Variants in TRPM6 observed in about 807,000 individuals in gnomAD.
The protein encoded by TRPM6 is transient receptor potential cation channel subfamily M member 6.
A neutral mutation model predicts 247.6 loss-of-function variants in TRPM6; 111 were observed. The observed-to-expected ratio is 0.45, with a 90% CI of 0.38 to 0.52. The LOEUF (loss-of-function observed/expected upper bound fraction) is 0.52. Ranked by LOEUF, TRPM6 falls within the 20% of genes least tolerant of loss-of-function variation. The pLI is 0.00. For missense variants in TRPM6, 2,126 were observed against 2,421.5 expected (o/e 0.88, Z 2.56); for synonymous variants, 892 against 853.8 (o/e 1.04, Z -0.78).
In TRPM6 at chr9:74,803,922, G is replaced by A. The variant is rs1225547902; in HGVS notation, c.1639-36C>T. 3 of 1,239,460 alleles carry A rather than the reference G, an allele frequency of 2.4e-6. No homozygotes were observed. The African/African-American group carries it at 4.5e-5, about 18-fold the overall frequency. The allele number at this position is 1,239,460 out of a possible 1,614,324, so 76.8% of individuals were successfully genotyped here. A position where few individuals can be genotyped will look rare whatever the true frequency, so the allele number is the denominator to read the frequency against. On this transcript the variant is annotated intron_variant, in intron 14 of 38. Transcript: ENST00000360774. ...TTTTGAACAAAGCTGGTCACTCTCT[G>A]GCACGTTATTATTTTATTTTTAAAA...
rs911706392 is a variant in TRPM6, at chr9:74,785,779, T to A, written c.2919+95A>T. The A allele has an allele frequency of 7.8e-5, 113 of 1,445,190 alleles. 1 individual carries two copies. Among genetic ancestry groups the A allele is most frequent in the Non-Finnish European group, 9.8e-5 (101 of 1,031,614 alleles). The allele number at this position is 1,445,190 out of a possible 1,614,324, so 89.5% of individuals were successfully genotyped here. A position where few individuals can be genotyped will look rare whatever the true frequency, so the allele number is the denominator to read the frequency against. On this transcript the variant is annotated intron_variant, in intron 21 of 38. Coordinates refer to ENST00000360774, the MANE Select transcript of TRPM6 (RefSeq NM_017662.5). ...ACCTTGTGATCCGCCCGCCTTGGCCTCCCAAAGTGCTGGGATTACAGGTGT... is the reference window on the plus strand; with the variant it reads ...ACCTTGTGATCCGCCCGCCTTGGCCACCCAAAGTGCTGGGATTACAGGTGT...
At chr9:74,746,683 T>C (rs1252182428) in intron 31 of TRPM6, among the ~76,000 whole-genome samples, 3 of 152,084 alleles carry the variant, frequency 2.0e-5, no homozygotes, top group Non-Finnish European at 2.9e-5. Context: ...GATAGAAACA[T>C]AGGAAAGTTT....
chr9:74,737,473 G>T (rs1256128148), intron 36 of TRPM6: 1 of 1,277,546 alleles, frequency 7.8e-7, no homozygotes, highest in Admixed American at 2.3e-5. Context: ...GACAGGACAA[G>T]AAAAAGGCCC....
intron 11 of TRPM6, 97 bp downstream of exon 11, chr9:74,816,572 C>T: frequency 9.9e-7 from 1 of 1,012,416 alleles, no homozygotes; most frequent in South Asian, 1.4e-5. Context: ...ACACTTCTAC[C>T]AAACCAATCA....
intron 11 of TRPM6, 53 bp from the exon 12 acceptor site, chr9:74,812,486 C>A: frequency 1.3e-6 from 2 of 1,529,466 alleles, no homozygotes; most frequent in Middle Eastern, 1.7e-4. Flanking sequence ...GTAGAAATAA[C>A]TAAAGAATTA....
intron 35 of TRPM6, 100 bp downstream of exon 35, chr9:74,739,267 A>T: frequency 1.7e-6 from 2 of 1,150,878 alleles, no homozygotes; most frequent in Non-Finnish European, 2.6e-6. Flanking sequence ...GATCATGGGG[A>T]ATTTCCCCAT....
intron 9 of TRPM6, among the ~76,000 whole-genome samples, chr9:74,817,521 A>G (rs372112713): frequency 2.6e-5 from 4 of 152,250 alleles, no homozygotes; most frequent in African/African-American, 9.6e-5. Flanking sequence ...TGAATCCTCA[A>G]GGGTTTGTCA....
chr9:74,867,306 T>C (rs1339271968), intron 1 of TRPM6, among the ~76,000 whole-genome samples: 1 of 152,206 alleles, frequency 6.6e-6, no homozygotes, highest in Non-Finnish European at 1.5e-5. Flanking sequence ...ATTTTGACTC[T>C]GAGGACCCTC....
chr9:74,784,447 T>G (rs1309607459), intron 21 of TRPM6, among the ~76,000 whole-genome samples: 3 of 152,130 alleles, frequency 2.0e-5, no homozygotes, highest in African/African-American at 7.2e-5. Context: ...ATACTACCTA[T>G]CTCCTAAAGT....
At chr9:74,871,584 C>G (rs752572505) in intron 1 of TRPM6, among the ~76,000 whole-genome samples, 2 of 152,300 alleles carry the variant, frequency 1.3e-5, no homozygotes, top group Non-Finnish European at 2.9e-5. Flanking sequence ...AACATACATA[C>G]AGCATAGCTT....
intron 21 of TRPM6, 88 bp downstream of exon 21, chr9:74,785,786 G>C: frequency 6.7e-7 from 1 of 1,491,082 alleles, no homozygotes; most frequent in Non-Finnish European, 9.3e-7. Context: ...GCCTCCCAAA[G>C]TGCTGGGATT....
rs1436202256 is a variant in TRPM6, at chr9:74,781,093, T to A, written c.3209+1269A>T. ...CTGGGCTGGGGATATAAATTGGGTG[T>A]GCTCAGGATATACAGGAAACTGAAA... On this transcript the variant is annotated intron_variant, in intron 23 of 38. Coordinates refer to ENST00000360774, the MANE Select transcript of TRPM6 (RefSeq NM_017662.5). Among the ~76,000 whole-genome samples the A allele has an allele frequency of 2.6e-5, 4 of 152,040 alleles. No individual in the cohort carries two copies. The East Asian group carries it at 7.7e-4, about 29-fold the overall frequency.
rs1826399102 is a variant in TRPM6, at chr9:74,755,359, G to A, written c.4900C>T (p.His1634Tyr). 6.2e-7 allele frequency: 1 copy of A among 1,613,946 alleles called. No individual in the cohort carries two copies. The highest frequency in any genetic ancestry group is 8.5e-7 in the Non-Finnish European group (1 of 1,179,992). ...AATTGTAGATGTTACATACCTGTGT[G>A]ACTAAATTTGGACACTGTGAACCAG... ...KNWFTVSKFS[H>Y]TGVEPYIHQK... is the part of the protein sequence containing the mutation. The change falls in exon 28 of 39, where the codon CAC becomes TAC. Residue 1634 changes from histidine to tyrosine, a missense_variant. Coordinates refer to ENST00000360774, the MANE Select transcript of TRPM6 (RefSeq NM_017662.5).
At chr9:74,765,099 T>C (rs1425019036) in intron 25 of TRPM6, among the ~76,000 whole-genome samples, 1 of 152,218 alleles carries the variant, frequency 6.6e-6, no homozygotes, top group Non-Finnish European at 1.5e-5. Flanking sequence ...ATAATCTTAC[T>C]ATGCTAAAGC....
intron 1 of TRPM6, among the ~76,000 whole-genome samples, chr9:74,869,330 C>T (rs1168447447): frequency 1.3e-5 from 2 of 151,760 alleles, no homozygotes; most frequent in Admixed American, 1.3e-4. Flanking sequence ...ATTAGCCAGG[C>T]ATGGTGGCAC....
chr9:74,739,491 T>C (rs973593674), intron 34 of TRPM6, 42 bp from the exon 35 acceptor site: 1 of 1,584,766 alleles, frequency 6.3e-7, no homozygotes, highest in Non-Finnish European at 8.7e-7. Flanking sequence ...GATTTACTGT[T>C]GTACAGCTAT....
chr9:74,820,869 T>A (rs1284250966), intron 8 of TRPM6, among the ~76,000 whole-genome samples: 1 of 151,968 alleles, frequency 6.6e-6, no homozygotes, highest in Non-Finnish European at 1.5e-5. Context: ...AAATTATAGG[T>A]ATTATATTCT....
rs756394978 is a variant in TRPM6, at chr9:74,802,097, A to G, written c.1810T>C (p.Phe604Leu). Residue 604 changes from phenylalanine to leucine, a missense_variant, in exon 16 of 39, where the codon TTT becomes CTT. By Grantham distance (22) the Phe-to-Leu change is conservative. Coordinates refer to ENST00000360774, the MANE Select transcript of TRPM6 (RefSeq NM_017662.5). ...AGCAGGTCATTGTAAGGGTAAAGAAAGCCAGTAGACTCAGGGTCATCTGAT... is the reference window on the plus strand; with the variant it reads ...AGCAGGTCATTGTAAGGGTAAAGAAGGCCAGTAGACTCAGGGTCATCTGAT... ...NVSDDPESTGFLYPYNDLLVW... is the reference protein window; with the variant it reads ...NVSDDPESTGLLYPYNDLLVW... The G allele has an allele frequency of 1.9e-6, 3 of 1,614,200 alleles. No homozygotes were observed. Among genetic ancestry groups the G allele is most frequent in the Non-Finnish European group, 2.5e-6 (3 of 1,180,032 alleles).
intron 3 of TRPM6, among the ~76,000 whole-genome samples, chr9:74,848,671 G>A (rs1830183827): frequency 6.6e-6 from 1 of 152,128 alleles, no homozygotes; most frequent in African/African-American, 2.4e-5. Context: ...CAGCTAGATA[G>A]TAATGCCTGC....
Sources: allele counts gnomAD v4.1 joint callset (sites outside exome capture counted in the v4.1 genomes callset), GRCh38; gene constraint gnomAD v4.1.1; transcripts MANE v1.5; gene names NCBI Gene and HGNC (gene_info 2026-07-23, HGNC 2026-07-21).